TMEM108: variants seen among roughly 807,000 people sequenced by gnomAD.
TMEM108 encodes the protein cancer/testis antigen 124.
Under a neutral mutation model 35.1 loss-of-function variants are expected in TMEM108, and 12 were observed. The observed-to-expected ratio is 0.34, with a 90% CI of 0.22 to 0.55. The LOEUF is 0.55. Among genes scored for constraint, TMEM108 ranks in the 20% least tolerant of loss-of-function variants. The probability of loss-of-function intolerance (pLI) is 0.89; values close to 1 mark genes in which losing one functional copy is unlikely to be tolerated. For synonymous variants in TMEM108, 287 were observed against 308.6 expected, an observed-to-expected ratio of 0.93 and a Z score of 0.73; for missense variants, 680 against 753.3, an observed-to-expected ratio of 0.90 and a Z score of 1.14.
chr3:133,083,174 C>T (rs1943835956), intron 2 of TMEM108, among the ~76,000 whole-genome samples: 1 of 127,346 alleles, frequency 7.9e-6, no homozygotes, highest in African/African-American at 2.8e-5. Context: ...TGGAAAGCCC[C>T]CCCCCACCCC....
chr3:133,231,136 C>A (rs1946147187), intron 3 of TMEM108, among the ~76,000 whole-genome samples: 1 of 152,128 alleles, frequency 6.6e-6, no homozygotes, highest in Non-Finnish European at 1.5e-5. Context: ...GTTTTTAAGA[C>A]ATTTAGTCTG....
chr3:133,131,774 A>G (rs1361923911), intron 2 of TMEM108, among the ~76,000 whole-genome samples: 1 of 152,114 alleles, frequency 6.6e-6, no homozygotes, highest in Non-Finnish European at 1.5e-5. Context: ...TTAGGAATGC[A>G]AAGCAAAAGT....
At chr3:133,083,198 C>T (rs1365438431) in intron 2 of TMEM108, among the ~76,000 whole-genome samples, 8 of 145,710 alleles carry the variant, frequency 5.5e-5, no homozygotes, top group Non-Finnish European at 1.2e-4. Context: ...CCGCCCCACT[C>T]CTCAGCCTGG....
At position 133,344,701 on chromosome 3, in the gene TMEM108, A is replaced by G. The variant is rs116799569; in HGVS notation, c.41-35051A>G. On this transcript the variant is annotated intron_variant, in intron 3 of 5. Coordinates refer to ENST00000321871, the MANE Select transcript of TMEM108 (RefSeq NM_023943.4). Reference sequence around the variant, plus strand: ...TAATAAAATGTGCACCTTTCAGTCTAGTAAGGGAAAATGTGAATTTAGTAA... The same window carrying G: ...TAATAAAATGTGCACCTTTCAGTCTGGTAAGGGAAAATGTGAATTTAGTAA... Among the ~76,000 whole-genome samples, 948 of 151,934 alleles carry G rather than the reference A, an allele frequency of 6.2e-3. 14 individuals carry two copies. The highest frequency in any genetic ancestry group is 0.021 in the African/African-American group (890 of 41,550).
At chr3:133,381,299 G>A (rs2073006398) in intron 4 of TMEM108, 138 bp downstream of exon 4, 2 of 927,208 alleles carry the variant, frequency 2.2e-6, no homozygotes, top group Non-Finnish European at 1.6e-6. Flanking sequence ...CTAGGTATCA[G>A]GACAGGTTAT....
chr3:133,370,919 T>TGTGC (rs1553770119), intron 3 of TMEM108, among the ~76,000 whole-genome samples: 1 of 136,688 alleles, frequency 7.3e-6, no homozygotes, highest in East Asian at 2.3e-4. Flanking sequence ...TGTGTGTGTG[T>TGTGC]GTGCCAGGAA....
chr3:133,184,087 G>A (rs1024282644), intron 2 of TMEM108, among the ~76,000 whole-genome samples: 4 of 152,130 alleles, frequency 2.6e-5, no homozygotes, highest in African/African-American at 7.2e-5. Flanking sequence ...ACCAGACACC[G>A]GGAGGACTGA....
At chr3:133,121,319 A>G (rs1260699336) in intron 2 of TMEM108, among the ~76,000 whole-genome samples, 2 of 152,186 alleles carry the variant, frequency 1.3e-5, no homozygotes, top group Non-Finnish European at 2.9e-5. Context: ...TTAGTCTAGG[A>G]TCTAGAGTAT....
chr3:133,171,131 T>C (rs1279618045), intron 2 of TMEM108, among the ~76,000 whole-genome samples: 1 of 152,154 alleles, frequency 6.6e-6, no homozygotes, highest in Non-Finnish European at 1.5e-5. Context: ...TAGATGGTGA[T>C]GGTGATGACT....
At chr3:133,373,432 A>G (rs940872082) in intron 3 of TMEM108, among the ~76,000 whole-genome samples, 1 of 147,090 alleles carries the variant, frequency 6.8e-6, no homozygotes, top group Non-Finnish European at 1.5e-5. Context: ...ATAGATAGAT[A>G]GATAGATAGA....
intron 2 of TMEM108, among the ~76,000 whole-genome samples, chr3:133,078,410 A>G (rs1286098981): frequency 1.3e-5 from 2 of 152,110 alleles, no homozygotes; most frequent in East Asian, 3.9e-4. Flanking sequence ...GTGGCAATCA[A>G]GTGATGCTCT....
At chr3:133,176,843 CA>C (rs1198950511) in intron 2 of TMEM108, among the ~76,000 whole-genome samples, 1 of 151,564 alleles carries the variant, frequency 6.6e-6, no homozygotes, top group Non-Finnish European at 1.5e-5. Flanking sequence ...AATAGAGACA[CA>C]AAAAACCCTT....
chr3:133,353,128 T>C (rs960371190), intron 3 of TMEM108, among the ~76,000 whole-genome samples: 4 of 152,168 alleles, frequency 2.6e-5, no homozygotes, highest in Admixed American at 2.0e-4. Context: ...CCTTGAAATG[T>C]CTCGTGAAAC....
intron 3 of TMEM108, among the ~76,000 whole-genome samples, chr3:133,304,296 A>G (rs1470010500): frequency 6.6e-6 from 1 of 152,194 alleles, no homozygotes. Flanking sequence ...GAAGTCTCAT[A>G]TATTGCATGT....
intron 3 of TMEM108, among the ~76,000 whole-genome samples, chr3:133,354,222 T>C (rs968092294): frequency 6.6e-6 from 1 of 152,178 alleles, no homozygotes; most frequent in Non-Finnish European, 1.5e-5. Flanking sequence ...CAGACCAACA[T>C]TGTCATCTCA....
At position 133,049,375 on chromosome 3, in the gene TMEM108, A is replaced by G. The variant is rs528204084; in HGVS notation, c.-47+3355A>G. ...TACCCACTTGTGGTTAGTGGCTACC[A>G]TATTGGACATTGCAGATAGGGAGTA... On this transcript the variant is annotated intron_variant, in intron 2 of 5. Coordinates refer to ENST00000321871, the MANE Select transcript of TMEM108 (RefSeq NM_023943.4). Among the ~76,000 whole-genome samples the G allele has an allele frequency of 2.6e-5, 4 of 152,332 alleles. No individual in the cohort carries two copies. The East Asian group carries it at 7.7e-4, about 29-fold the overall frequency.
At chr3:133,355,520 A>G (rs1349653292) in intron 3 of TMEM108, among the ~76,000 whole-genome samples, 1 of 152,190 alleles carries the variant, frequency 6.6e-6, no homozygotes, top group East Asian at 1.9e-4. Flanking sequence ...GTGATTTAGC[A>G]TTGAAACAAA....
chr3:133,291,678 A>AT (rs1254742725), intron 3 of TMEM108, among the ~76,000 whole-genome samples: 1 of 152,068 alleles, frequency 6.6e-6, no homozygotes, highest in African/African-American at 2.4e-5. Flanking sequence ...TATTATTATT[A>AT]TTATAAGCCC....
At chr3:133,383,540 C>T (rs988009619) in intron 4 of TMEM108, among the ~76,000 whole-genome samples, 3 of 152,230 alleles carry the variant, frequency 2.0e-5, no homozygotes, top group Admixed American at 6.5e-5. Context: ...AGGCTACACC[C>T]ACCTGGATTT....
Sources: allele counts gnomAD v4.1 joint callset (sites outside exome capture counted in the v4.1 genomes callset), GRCh38; gene constraint gnomAD v4.1.1; transcripts MANE v1.5; gene names NCBI Gene and HGNC (gene_info 2026-07-23, HGNC 2026-07-21).